Variants in EHBP1 observed in about 807,000 individuals in gnomAD.
The protein encoded by EHBP1 is EH domain binding protein 1, also known as EH domain-binding protein 1.
Under a neutral mutation model 144.0 loss-of-function variants are expected in EHBP1, and 55 were observed. That is an observed-to-expected ratio of 0.38 (90% CI 0.31 to 0.48). EHBP1 has a LOEUF of 0.48. Among genes scored for constraint, EHBP1 ranks in the 20% least tolerant of loss-of-function variants. The probability of loss-of-function intolerance (pLI) is 0.98; values close to 1 mark genes in which losing one functional copy is unlikely to be tolerated. For synonymous variants in EHBP1, 469 were observed against 472.7 expected, an observed-to-expected ratio of 0.99 and a Z score of 0.10; for missense variants, 1,200 against 1,364.2, an observed-to-expected ratio of 0.88 and a Z score of 1.90.
intron 10 of EHBP1, among the ~76,000 whole-genome samples, chr2:62,929,767 T>G (rs1262160057): frequency 1.3e-5 from 2 of 151,892 alleles, no homozygotes; most frequent in Non-Finnish European, 2.9e-5. Flanking sequence ...AAGGAAGGCA[T>G]AAGATTATCT....
chr2:62,918,217 C>A (rs1413528365), intron 10 of EHBP1, among the ~76,000 whole-genome samples: 4 of 151,898 alleles, frequency 2.6e-5, no homozygotes, highest in Non-Finnish European at 5.9e-5. Flanking sequence ...TTTTTCACTG[C>A]CTATATCATA....
At chr2:62,743,935 G>T (rs546996810) in intron 2 of EHBP1, among the ~76,000 whole-genome samples, 1 of 151,860 alleles carries the variant, frequency 6.6e-6, no homozygotes, top group Non-Finnish European at 1.5e-5. Context: ...AGAATTTGAC[G>T]TCAGGAGCAC....
At chr2:62,841,492 AT>A (rs571064084) in intron 7 of EHBP1, among the ~76,000 whole-genome samples, 279 of 152,302 alleles carry the variant, frequency 1.8e-3, no homozygotes, top group Non-Finnish European at 3.4e-3. Context: ...TAATAAAAAA[AT>A]AAAAATAAAA....
At chr2:63,020,375 C>T (rs1254648392) in intron 19 of EHBP1, among the ~76,000 whole-genome samples, 15 of 145,794 alleles carry the variant, frequency 1.0e-4, no homozygotes, top group African/African-American at 2.5e-4. Context: ...TGGTGGCAGG[C>T]GCCTATAATC....
chr2:62,780,493 A>G (rs908643700), intron 5 of EHBP1, among the ~76,000 whole-genome samples: 10 of 152,178 alleles, frequency 6.6e-5, no homozygotes, highest in African/African-American at 2.4e-4. Flanking sequence ...GTTTCCCTTA[A>G]TGTTAAGTAT....
intron 2 of EHBP1, among the ~76,000 whole-genome samples, chr2:62,744,999 C>T (rs960926167): frequency 4.6e-5 from 7 of 152,036 alleles, no homozygotes; most frequent in African/African-American, 7.2e-5. Flanking sequence ...TATTTAGAAA[C>T]GCTTCCCTAG....
chr2:62,846,295 G>A (rs2048294682), intron 7 of EHBP1, among the ~76,000 whole-genome samples: 1 of 152,142 alleles, frequency 6.6e-6, no homozygotes, highest in Non-Finnish European at 1.5e-5. Context: ...CAGTATTTAG[G>A]GGAGGAGCCA....
chr2:63,022,308 C>CT (rs1055280357), intron 19 of EHBP1, among the ~76,000 whole-genome samples: 8 of 151,782 alleles, frequency 5.3e-5, no homozygotes, highest in African/African-American at 1.9e-4. Flanking sequence ...CTTCCTCCTC[C>CT]TCCTCCTCTT....
intron 19 of EHBP1, among the ~76,000 whole-genome samples, chr2:63,030,830 C>A (rs2061215996): frequency 8.0e-6 from 1 of 125,656 alleles, no homozygotes; most frequent in African/African-American, 3.0e-5. Context: ...GAGTTTCGCT[C>A]TGTCGTCCAG....
At chr2:62,739,098 C>T (rs1028426319) in intron 2 of EHBP1, among the ~76,000 whole-genome samples, 1 of 152,200 alleles carries the variant, frequency 6.6e-6, no homozygotes, top group Non-Finnish European at 1.5e-5. Context: ...CTATTCGTTA[C>T]ATTGGTCCTG....
At chr2:62,771,258 G>A (rs892589759) in intron 4 of EHBP1, 81 bp from the exon 5 acceptor site, 6 of 971,546 alleles carry the variant, frequency 6.2e-6, no homozygotes, top group Non-Finnish European at 9.1e-6. Context: ...TAAAAACAAG[G>A]CTATATGTAT....
chr2:63,035,021 A>G (rs1398130270), intron 19 of EHBP1, among the ~76,000 whole-genome samples: 1 of 152,070 alleles, frequency 6.6e-6, no homozygotes, highest in Non-Finnish European at 1.5e-5. Context: ...GCTCACTGTG[A>G]TCACAGGCTT....
intron 19 of EHBP1, among the ~76,000 whole-genome samples, chr2:63,002,243 G>C (rs557765422): frequency 6.6e-6 from 1 of 151,790 alleles, no homozygotes; most frequent in East Asian, 1.9e-4. Context: ...GTTTTTTTGA[G>C]TTATGTTAAA....
intron 5 of EHBP1, among the ~76,000 whole-genome samples, chr2:62,773,627 T>C (rs989933370): frequency 3.3e-5 from 5 of 151,884 alleles, no homozygotes; most frequent in Non-Finnish European, 5.9e-5. Flanking sequence ...GGCAGGCAGA[T>C]TGCCTGAGGT....
intron 7 of EHBP1, among the ~76,000 whole-genome samples, chr2:62,833,286 G>A (rs1326120982): frequency 6.6e-6 from 1 of 152,188 alleles, no homozygotes; most frequent in Non-Finnish European, 1.5e-5. Context: ...ACATGAAAGT[G>A]CAAAGTAAAG....
At chr2:62,960,929 G>A (rs919335338) in intron 14 of EHBP1, among the ~76,000 whole-genome samples, 4 of 152,104 alleles carry the variant, frequency 2.6e-5, no homozygotes, top group Non-Finnish European at 5.9e-5. Context: ...TTGTTATGAT[G>A]TGTGTATGCC....
At chr2:62,942,643 G>C (rs1009842408) in intron 10 of EHBP1, 75 bp from the exon 11 acceptor site, 458 of 1,349,680 alleles carry the variant, frequency 3.4e-4, no homozygotes, top group Non-Finnish European at 2.9e-4. Flanking sequence ...CAAATGATCT[G>C]ATTAGGTCAA....
chr2:62,856,273 G>A (rs909018688), intron 7 of EHBP1, among the ~76,000 whole-genome samples: 4 of 152,218 alleles, frequency 2.6e-5, no homozygotes, highest in African/African-American at 7.2e-5. Flanking sequence ...CCATCAGGGA[G>A]CACATATCTG....
chr2:62,809,019 G>T (rs1168482615), intron 5 of EHBP1, among the ~76,000 whole-genome samples: 1 of 152,046 alleles, frequency 6.6e-6, no homozygotes, highest in African/African-American at 2.4e-5. Context: ...TAGGCCAGGC[G>T]CAGTGGCTCA....
Sources: allele counts gnomAD v4.1 joint callset (sites outside exome capture counted in the v4.1 genomes callset), GRCh38; gene constraint gnomAD v4.1.1; transcripts MANE v1.5; gene names NCBI Gene and HGNC (gene_info 2026-07-23, HGNC 2026-07-21).